Variants in PARD3 observed in about 807,000 individuals in gnomAD.
PARD3 encodes par-3 family cell polarity regulator.
A neutral mutation model predicts 155.4 loss-of-function variants in PARD3; 75 were observed. The observed-to-expected ratio is 0.48, with a 90% CI of 0.40 to 0.58. The LOEUF is 0.58. PARD3 is among the 20% of genes least tolerant of loss of function. PARD3 has a pLI of 0.00. For synonymous variants in PARD3, 576 were observed against 610.5 expected (o/e 0.94, Z 0.83); for missense variants, 1,642 against 1,721.7 (o/e 0.95, Z 0.82).
intron 21 of PARD3, among the ~76,000 whole-genome samples, chr10:34,277,395 G>A (rs1322382630): frequency 6.6e-6 from 1 of 152,106 alleles, no homozygotes; most frequent in Non-Finnish European, 1.5e-5. Context: ...CCTAACAGTA[G>A]GTAAGCTGCC....
intron 22 of PARD3, among the ~76,000 whole-genome samples, chr10:34,226,571 A>C (rs1952613742): frequency 6.6e-6 from 1 of 152,332 alleles, no homozygotes; most frequent in South Asian, 2.1e-4. Context: ...GACAGACAAT[A>C]AGTAGTACTG....
At position 34,589,518 on chromosome 10, in the gene PARD3, C is replaced by T. The variant is rs2088446627; in HGVS notation, c.223-72359G>A. 3.3e-5 allele frequency among the ~76,000 whole-genome samples: 5 copies of T among 151,022 alleles called. No individual in the cohort carries two copies. The Admixed American group carries it at 3.3e-4, about 10-fold the overall frequency. The stretch of plus-strand genomic sequence containing the variant: ...ACATAAAAATGACCATCTGCCGACA[C>T]TTTGATCTTGGACTTCCAGCCTCCA... On this transcript the variant is annotated intron_variant, in intron 2 of 24. Transcript: ENST00000374788.
At chr10:34,781,888 C>CA in intron 1 of PARD3, among the ~76,000 whole-genome samples, 1 of 152,250 alleles carries the variant, frequency 6.6e-6, no homozygotes, top group East Asian at 1.9e-4. Context: ...CACAAACATG[C>CA]AGAGGGCAGT....
chr10:34,492,180 G>A lies in PARD3; in HGVS notation c.404-21917C>T, dbSNP rs79213445. ...TTAGTACGGATTTCTAATATGCCTC[G>A]TTAGTTTTCTCTGCAAACATTACCA... is the stretch of plus-strand genomic sequence containing the variant. On this transcript the variant is annotated intron_variant, in intron 3 of 24. Transcript: ENST00000374788. 2.4e-3 allele frequency among the ~76,000 whole-genome samples: 362 copies of A among 152,180 alleles called. 3 individuals are homozygous for A. Among genetic ancestry groups the A allele is most frequent in the African/African-American group, 8.1e-3 (335 of 41,492 alleles).
At chr10:34,789,298 G>T (rs1425410173) in intron 1 of PARD3, among the ~76,000 whole-genome samples, 1 of 152,018 alleles carries the variant, frequency 6.6e-6, no homozygotes, top group Admixed American at 6.6e-5. Context: ...TCTCAAAAAG[G>T]AAAAAAATTA....
rs968034029 is a variant in PARD3 at position 34,371,486 on chromosome 10, CAAAAAAAAAAAAAAAAAAAAAAAAAAAAA to C, written c.1707+983_1707+1011del. Among the ~76,000 whole-genome samples, 15 of 22,724 alleles carry C rather than the reference CAAAAAAAAAAAAAAAAAAAAAAAAAAAAA, an allele frequency of 6.6e-4. 1 individual carries two copies. The highest frequency in any genetic ancestry group is 2.2e-3 in the Admixed American group (3 of 1,374). 14.9% of individuals were successfully genotyped at this position (22,724 alleles called of 152,430 possible). A position where few individuals can be genotyped will look rare whatever the true frequency, so the allele number is the denominator to read the frequency against. The stretch of plus-strand genomic sequence containing the variant: ...ATGAAATATGGTGAGATTCTAGACT[CAAAAAAAAAAAAAAAAAAAAAAAAAAAAA>C]AAAAAAAAAAAAAAAAACAACGAAG... On this transcript the variant is annotated intron_variant, in intron 12 of 24. Transcript: ENST00000374788.
intron 7 of PARD3, among the ~76,000 whole-genome samples, chr10:34,393,235 C>T (rs1424018695): frequency 1.3e-5 from 2 of 150,518 alleles, no homozygotes; most frequent in African/African-American, 2.4e-5. Context: ...ATTTAAGTGC[C>T]ACAGACTTAA....
intron 1 of PARD3, among the ~76,000 whole-genome samples, chr10:34,750,925 G>A (rs921799355): frequency 1.3e-5 from 2 of 152,170 alleles, no homozygotes; most frequent in Non-Finnish European, 2.9e-5. Context: ...CTGACCTCAA[G>A]TGATCTTCCC....
At chr10:34,232,310 C>A (rs17462296) in intron 22 of PARD3, among the ~76,000 whole-genome samples, 3,661 of 152,110 alleles carry the variant, frequency 0.024, 77 homozygotes, top group Non-Finnish European at 0.035. Flanking sequence ...GATGACTGGA[C>A]CTGGATATGA....
At chr10:34,573,056 C>G (rs1472748969) in intron 2 of PARD3, among the ~76,000 whole-genome samples, 1 of 152,106 alleles carries the variant, frequency 6.6e-6, no homozygotes, top group Non-Finnish European at 1.5e-5. Context: ...TACTTAATAT[C>G]AAGAATTTCA....
chr10:34,601,875 A>G (rs2089811953), intron 2 of PARD3, among the ~76,000 whole-genome samples: 1 of 152,226 alleles, frequency 6.6e-6, no homozygotes, highest in African/African-American at 2.4e-5. Flanking sequence ...GAAACTCACT[A>G]GTTTAATCCC....
intron 2 of PARD3, among the ~76,000 whole-genome samples, chr10:34,539,791 C>T (rs2083474849): frequency 2.0e-5 from 3 of 152,236 alleles, no homozygotes; most frequent in Admixed American, 1.3e-4. Flanking sequence ...TGTTTTCCAA[C>T]TCCACACTCA....
At chr10:34,285,373 C>G in intron 20 of PARD3, among the ~76,000 whole-genome samples, 1 of 152,020 alleles carries the variant, frequency 6.6e-6, no homozygotes, top group Non-Finnish European at 1.5e-5. Context: ...CTCAGGAGTT[C>G]AAGACCAGCC....
chr10:34,352,797 T>A lies in PARD3; in HGVS notation c.2068-4682A>T, dbSNP rs183723811. ...CTGGGAAGTGAGGAGCCTCTCTGCC[T>A]GGTCGCCCATCGTCTGGGATGTGAC... On this transcript the variant is annotated intron_variant, in intron 14 of 24. Coordinates refer to ENST00000374788, the MANE Select transcript of PARD3 (RefSeq NM_001184785.2). 7.6e-3 allele frequency among the ~76,000 whole-genome samples: 1,148 copies of A among 150,280 alleles called. 14 individuals are homozygous for A. Among genetic ancestry groups the A allele is most frequent in the African/African-American group, 0.027 (1,094 of 40,668 alleles).
At chr10:34,617,954 G>C (rs2132681873) in intron 2 of PARD3, among the ~76,000 whole-genome samples, 1 of 152,280 alleles carries the variant, frequency 6.6e-6, no homozygotes, top group Non-Finnish European at 1.5e-5. Context: ...AATTTTAAAA[G>C]TAAAACATTT....
At chr10:34,430,613 T>C (rs1404893211) in intron 5 of PARD3, among the ~76,000 whole-genome samples, 1 of 152,232 alleles carries the variant, frequency 6.6e-6, no homozygotes, top group African/African-American at 2.4e-5. Flanking sequence ...ATCTACCATT[T>C]TGCAAATAAG....
intron 5 of PARD3, among the ~76,000 whole-genome samples, chr10:34,442,651 T>C (rs780292578): frequency 2.6e-5 from 4 of 152,210 alleles, no homozygotes; most frequent in Non-Finnish European, 5.9e-5. Flanking sequence ...GGAGAATCAC[T>C]TGAAGCCAGG....
At chr10:34,429,827 C>T (rs1019034767) in intron 5 of PARD3, among the ~76,000 whole-genome samples, 1 of 152,080 alleles carries the variant, frequency 6.6e-6, no homozygotes, top group African/African-American at 2.4e-5. Context: ...CCTTGTGATC[C>T]GCCCGCCTCG....
At chr10:34,716,609 T>TTTTTTA (rs2094525548) in intron 1 of PARD3, among the ~76,000 whole-genome samples, 1 of 119,506 alleles carries the variant, frequency 8.4e-6, no homozygotes, top group Non-Finnish European at 1.7e-5. Context: ...TTTTTTTTTT[T>TTTTTTA]GAGACAGAGT....
Sources: allele counts gnomAD v4.1 joint callset (sites outside exome capture counted in the v4.1 genomes callset), GRCh38; gene constraint gnomAD v4.1.1; transcripts MANE v1.5; gene names NCBI Gene and HGNC (gene_info 2026-07-23, HGNC 2026-07-21).